Variants in FSHR observed in about 807,000 individuals in gnomAD.
The protein encoded by FSHR is follicle stimulating hormone receptor.
A neutral mutation model predicts 52.1 loss-of-function variants in FSHR; 46 were observed. That is an observed-to-expected ratio of 0.88 (90% CI 0.70 to 1.13). The LOEUF (loss-of-function observed/expected upper bound fraction) is 1.13, where lower values mean the gene tolerates loss of function less well. Ranked by LOEUF, FSHR falls within the 50% of genes most tolerant of loss-of-function variation. The pLI, the probability that FSHR is intolerant of heterozygous loss-of-function variation, is 0.00. For synonymous variants in FSHR, 399 were observed against 309.6 expected, an observed-to-expected ratio of 1.29 and a Z score of -3.03; for missense variants, 964 against 834.6, an observed-to-expected ratio of 1.16 and a Z score of -1.91.
At position 48,963,473 on chromosome 2, in the gene FSHR, C is replaced by T. The variant is rs1192417044; in HGVS notation, c.1348G>A (p.Val450Ile). ...TAGACTGACAGCTCACTGGCAAAGA[C>T]AGTGAAAAAGCCAGCAGCATCACAG... Reference protein sequence around the residue: ...AGCDAAGFFTVFASELSVYTL... With the variant: ...AGCDAAGFFTIFASELSVYTL... The change falls in exon 10 of 10, where the codon GTC (valine) becomes ATC (isoleucine). Residue 450 changes from valine to isoleucine, a missense_variant. By Grantham distance (29) the Val-to-Ile change is conservative. Coordinates refer to ENST00000406846, the MANE Select transcript of FSHR (RefSeq NM_000145.4). 6 of 1,614,026 alleles carry T rather than the reference C, an allele frequency of 3.7e-6. No individual in the cohort carries two copies. Among genetic ancestry groups the T allele is most frequent in the Non-Finnish European group, 5.1e-6 (6 of 1,180,014 alleles).
At position 49,113,802 on chromosome 2, in the gene FSHR, G is replaced by T. The variant is rs552701616; in HGVS notation, c.152+40464C>A. 1.6e-4 allele frequency among the ~76,000 whole-genome samples: 25 copies of T among 152,184 alleles called. No individual in the cohort carries two copies. In the South Asian group the frequency reaches 5.0e-3, roughly 30 times the overall value. On this transcript the variant is annotated intron_variant, in intron 1 of 9. Coordinates refer to ENST00000406846, the MANE Select transcript of FSHR (RefSeq NM_000145.4). ...GGAGGTCTTGGCACCCAGGTACATA[G>T]ATCCCCACAGATGCCAGATATGTTG...
At chr2:49,022,915 T>A (rs529882535) in intron 2 of FSHR, among the ~76,000 whole-genome samples, 2 of 152,316 alleles carry the variant, frequency 1.3e-5, no homozygotes, top group African/African-American at 4.8e-5. Context: ...CCTAGAGATC[T>A]TTTTAGAATG....
At chr2:49,070,690 T>A (rs940702881) in intron 1 of FSHR, among the ~76,000 whole-genome samples, 4 of 152,152 alleles carry the variant, frequency 2.6e-5, no homozygotes, top group Admixed American at 1.3e-4. Context: ...TCTAAAATTT[T>A]CAAGGACTAT....
chr2:49,089,872 A>C (rs1442815218), intron 1 of FSHR, among the ~76,000 whole-genome samples: 1 of 152,216 alleles, frequency 6.6e-6, no homozygotes, highest in Non-Finnish European at 1.5e-5. Context: ...CATAGTCTGC[A>C]CCAGGCTTTT....
At chr2:49,001,136 C>T (rs530463441) in intron 4 of FSHR, among the ~76,000 whole-genome samples, 2 of 152,108 alleles carry the variant, frequency 1.3e-5, no homozygotes, top group East Asian at 1.9e-4. Context: ...TAGATCTGAG[C>T]CAGAAATAAT....
intron 2 of FSHR, among the ~76,000 whole-genome samples, chr2:49,066,749 G>C (rs12620805): frequency 0.35 from 52,450 of 151,776 alleles, 9,713 homozygotes; most frequent in East Asian, 0.49. Flanking sequence ...CCCAATGAGG[G>C]GTCATTCACA....
chr2:49,092,039 G>A (rs1189955601), intron 1 of FSHR, among the ~76,000 whole-genome samples: 1 of 152,092 alleles, frequency 6.6e-6, no homozygotes, highest in African/African-American at 2.4e-5. Context: ...GGTCTTATTT[G>A]ATTTCTTTCA....
chr2:49,131,595 A>G (rs1041125867), intron 1 of FSHR, among the ~76,000 whole-genome samples: 15 of 152,206 alleles, frequency 9.9e-5, no homozygotes, highest in African/African-American at 3.1e-4. Flanking sequence ...AAACCTCCAC[A>G]AATTTTTAAA....
At chr2:49,065,302 G>A (rs1199905441) in intron 2 of FSHR, among the ~76,000 whole-genome samples, 1 of 152,120 alleles carries the variant, frequency 6.6e-6, no homozygotes, top group Admixed American at 6.6e-5. Context: ...GAAGATTGGA[G>A]CTGGGATAGG....
chr2:48,965,844 A>G (rs1428984454), intron 9 of FSHR, among the ~76,000 whole-genome samples: 2 of 152,244 alleles, frequency 1.3e-5, no homozygotes, highest in South Asian at 2.1e-4. Flanking sequence ...AACAGAAACA[A>G]AAGTGGAAAC....
chr2:49,131,417 T>C (rs1327691213), intron 1 of FSHR, among the ~76,000 whole-genome samples: 1 of 152,180 alleles, frequency 6.6e-6, no homozygotes, highest in Non-Finnish European at 1.5e-5. Context: ...AGCTAGTCCA[T>C]ACTGCAGGCA....
At chr2:49,020,235 C>A in intron 2 of FSHR, 75 bp from the exon 3 acceptor site, 1 of 1,233,254 alleles carries the variant, frequency 8.1e-7, no homozygotes, top group Non-Finnish European at 1.2e-6. Context: ...CAGCATAGAG[C>A]CTTGTGTCTG....
intron 4 of FSHR, 44 bp downstream of exon 4, chr2:49,017,445 A>C (rs377596422): frequency 1.1e-4 from 152 of 1,426,234 alleles, no homozygotes; most frequent in Non-Finnish European, 1.3e-4. Context: ...ATAGGCTTGC[A>C]CTATTTAATC....
At position 48,963,168 on chromosome 2, in the gene FSHR, G is replaced by A. The variant is rs1175625000; in HGVS notation, c.1653C>T (p.His551=). The change falls in exon 10 of 10, where the codon CAC becomes CAT. Residue 551 remains histidine, a synonymous_variant. Coordinates refer to ENST00000406846, the MANE Select transcript of FSHR (RefSeq NM_000145.4). ...AFVVICGCYI[H]IYLTVRNPNI... ...TGGGGTTCCGCACTGTGAGGTAGAT[G>A]TGGATATAGCAGCCACAGATGACCA... 3.7e-6 allele frequency: 6 copies of A among 1,614,134 alleles called. No homozygotes were observed. The highest frequency in any genetic ancestry group is 2.2e-5 in the East Asian group (1 of 44,866).
At chr2:48,968,184 T>A (rs1270372776) in intron 9 of FSHR, among the ~76,000 whole-genome samples, 1 of 152,200 alleles carries the variant, frequency 6.6e-6, no homozygotes, top group African/African-American at 2.4e-5. Context: ...TAATGAGATG[T>A]CTTAATCTTT....
In FSHR at chr2:49,127,817, CTTCTTCT is replaced by C. The variant is rs1558456506; in HGVS notation, c.152+26442_152+26448del. On this transcript the variant is annotated intron_variant, in intron 1 of 9. Transcript: ENST00000406846. ...TCTTCTTCTTCTTCTTCTTCTTCTT[CTTCTTCT>C]TCTTCCTCTTCTTCTTCTTCTTCTT... Among the ~76,000 whole-genome samples the C allele has an allele frequency of 8.6e-4, 43 of 49,730 alleles. 1 individual carries two copies. The highest frequency in any genetic ancestry group is 2.8e-3 in the South Asian group (3 of 1,056). The allele number at this position is 49,730 out of a possible 152,430, so 32.6% of individuals were successfully genotyped here. A position where few individuals can be genotyped will look rare whatever the true frequency, so the allele number is the denominator to read the frequency against.
chr2:49,132,485 C>T (rs1672316212), intron 1 of FSHR, among the ~76,000 whole-genome samples: 1 of 152,100 alleles, frequency 6.6e-6, no homozygotes. Flanking sequence ...ACTGTTATGT[C>T]TGCCAAAAAG....
intron 1 of FSHR, among the ~76,000 whole-genome samples, chr2:49,106,258 G>A (rs1165863850): frequency 2.0e-5 from 3 of 152,126 alleles, no homozygotes; most frequent in South Asian, 4.1e-4. Context: ...AGATATGCAA[G>A]GGCACACTTA....
At chr2:49,039,569 G>A (rs1266604960) in intron 2 of FSHR, among the ~76,000 whole-genome samples, 1 of 152,160 alleles carries the variant, frequency 6.6e-6, no homozygotes, top group Non-Finnish European at 1.5e-5. Context: ...TATTCAGCAA[G>A]GCTTTTGGCT....
Sources: allele counts gnomAD v4.1 joint callset (sites outside exome capture counted in the v4.1 genomes callset), GRCh38; gene constraint gnomAD v4.1.1; transcripts MANE v1.5; gene names NCBI Gene and HGNC (gene_info 2026-07-23, HGNC 2026-07-21).